Variants in SEMA6D observed in about 807,000 individuals in gnomAD.
SEMA6D encodes the protein semaphorin 6D, also known as semaphorin-6D.
Under a neutral mutation model 106.6 loss-of-function variants are expected in SEMA6D, and 35 were observed. The observed-to-expected ratio is 0.33, with a 90% CI of 0.25 to 0.44. SEMA6D has a LOEUF of 0.44. Ranked by LOEUF, SEMA6D falls within the 20% of genes least tolerant of loss-of-function variation. The pLI is 1.00. For missense variants in SEMA6D, 1,185 were observed against 1,345.9 expected (o/e 0.88, Z 1.87); for synonymous variants, 499 against 487.7 (o/e 1.02, Z -0.31).
At chr15:47,620,661 C>G (rs76974957) in intron 4 of SEMA6D, among the ~76,000 whole-genome samples, 9,252 of 151,248 alleles carry the variant, frequency 0.061, 703 homozygotes, top group African/African-American at 0.18. Flanking sequence ...AGGAAGTGGT[C>G]GTTGTGGCTG....
At chr15:47,446,766 C>T (rs1289607203) in intron 2 of SEMA6D, among the ~76,000 whole-genome samples, 1 of 152,238 alleles carries the variant, frequency 6.6e-6, no homozygotes, top group East Asian at 1.9e-4. Context: ...AACAGAGCAT[C>T]ACCTACCTTA....
At chr15:47,297,478 A>T (rs1423451994) in intron 1 of SEMA6D, among the ~76,000 whole-genome samples, 2 of 152,178 alleles carry the variant, frequency 1.3e-5, no homozygotes, top group African/African-American at 4.8e-5. Context: ...TAAAGAGATC[A>T]TGAGCATAAT....
chr15:47,668,056 A>G (rs749278602), intron 4 of SEMA6D, among the ~76,000 whole-genome samples: 1 of 152,202 alleles, frequency 6.6e-6, no homozygotes, highest in African/African-American at 2.4e-5. Flanking sequence ...AAACAAATAC[A>G]ATTAGTTAAA....
chr15:47,480,238 C>T (rs189354529), intron 3 of SEMA6D, among the ~76,000 whole-genome samples: 358 of 152,184 alleles, frequency 2.4e-3, no homozygotes, highest in Admixed American at 5.1e-3. Context: ...TCCAGAACAA[C>T]TTCCCCAATT....
At chr15:47,447,449 A>G (rs1339658330) in intron 2 of SEMA6D, among the ~76,000 whole-genome samples, 1 of 152,048 alleles carries the variant, frequency 6.6e-6, no homozygotes, top group Non-Finnish European at 1.5e-5. Context: ...AAAAACCCAA[A>G]AGGACTGGGA....
At chr15:47,521,561 C>T (rs375795333) in intron 3 of SEMA6D, among the ~76,000 whole-genome samples, 3 of 152,142 alleles carry the variant, frequency 2.0e-5, no homozygotes, top group East Asian at 1.9e-4. Flanking sequence ...TGCATCATGC[C>T]GTTTTAGAAG....
intron 3 of SEMA6D, among the ~76,000 whole-genome samples, chr15:47,565,097 A>C (rs2046191527): frequency 6.6e-6 from 1 of 152,216 alleles, no homozygotes; most frequent in Non-Finnish European, 1.5e-5. Context: ...ACAAAAGTTT[A>C]GGATCAAGTA....
intron 1 of SEMA6D, among the ~76,000 whole-genome samples, chr15:47,305,189 C>T (rs1244136515): frequency 6.6e-6 from 1 of 152,150 alleles, no homozygotes; most frequent in Non-Finnish European, 1.5e-5. Context: ...ATTATTATGT[C>T]TTTTAAAATT....
intron 4 of SEMA6D, among the ~76,000 whole-genome samples, chr15:47,710,880 G>T (rs1201965609): frequency 6.6e-6 from 1 of 152,062 alleles, no homozygotes; most frequent in Non-Finnish European, 1.5e-5. Context: ...GATTTTTTCA[G>T]CATATATCAC....
At chr15:47,678,338 A>G (rs1382072882) in intron 4 of SEMA6D, among the ~76,000 whole-genome samples, 1 of 152,142 alleles carries the variant, frequency 6.6e-6, no homozygotes, top group Non-Finnish European at 1.5e-5. Flanking sequence ...AGACAAGCAG[A>G]AGTCCCCAGT....
At chr15:47,715,928 G>C (rs2079102770), upstream of SEMA6D, among the ~76,000 whole-genome samples, 1 of 152,188 alleles carries the variant, frequency 6.6e-6, no homozygotes, top group African/African-American at 2.4e-5. Flanking sequence ...GCCTGCAACG[G>C]GGGCTTGCTC....
intron 4 of SEMA6D, among the ~76,000 whole-genome samples, chr15:47,620,069 C>A (rs944544993): frequency 6.6e-5 from 10 of 152,090 alleles, no homozygotes; most frequent in African/African-American, 2.4e-4. Flanking sequence ...GACACCCCAG[C>A]CTGAACTCAC....
intron 3 of SEMA6D, among the ~76,000 whole-genome samples, chr15:47,566,607 A>G (rs761639043): frequency 2.3e-4 from 35 of 152,168 alleles, no homozygotes; most frequent in Non-Finnish European, 3.5e-4. Flanking sequence ...GCTAAGTGGG[A>G]ACTCCTTTGA....
At chr15:47,276,387 G>T (rs1298077828) in intron 1 of SEMA6D, among the ~76,000 whole-genome samples, 1 of 152,086 alleles carries the variant, frequency 6.6e-6, no homozygotes, top group Non-Finnish European at 1.5e-5. Flanking sequence ...TGGATTCAAA[G>T]CTTTGAAGGA....
intron 2 of SEMA6D, among the ~76,000 whole-genome samples, chr15:47,466,243 A>C (rs2042654730): frequency 6.6e-6 from 1 of 152,138 alleles, no homozygotes; most frequent in Non-Finnish European, 1.5e-5. Flanking sequence ...TCCATGTTGT[A>C]TATTGGATGT....
intron 3 of SEMA6D, among the ~76,000 whole-genome samples, chr15:47,506,282 G>T (rs1251519843): frequency 6.6e-6 from 1 of 152,028 alleles, no homozygotes; most frequent in Non-Finnish European, 1.5e-5. Context: ...GATCTTAGAG[G>T]GCACCTTTAG....
At chr15:47,618,659 C>T (rs1252049945) in intron 4 of SEMA6D, among the ~76,000 whole-genome samples, 2 of 152,168 alleles carry the variant, frequency 1.3e-5, no homozygotes, top group African/African-American at 4.8e-5. Flanking sequence ...CCTTTGCCAC[C>T]TCTCTGTGTT....
chr15:47,348,501 A>G (rs762245275), intron 1 of SEMA6D, among the ~76,000 whole-genome samples: 1 of 152,110 alleles, frequency 6.6e-6, no homozygotes, highest in Non-Finnish European at 1.5e-5. Context: ...AGAATACTCC[A>G]AAGTCCAAAA....
intron 1 of SEMA6D, among the ~76,000 whole-genome samples, chr15:47,252,331 T>C (rs2033568905): frequency 6.6e-6 from 1 of 152,220 alleles, no homozygotes; most frequent in Admixed American, 6.5e-5. Context: ...ATGTGGACAT[T>C]GTAAAGTAAG....
Sources: allele counts gnomAD v4.1 joint callset (sites outside exome capture counted in the v4.1 genomes callset), GRCh38; gene constraint gnomAD v4.1.1; transcripts MANE v1.5; gene names NCBI Gene and HGNC (gene_info 2026-07-23, HGNC 2026-07-21).